Variants in PGCKA1 observed in about 807,000 individuals in gnomAD.
The protein encoded by PGCKA1 is PDCD10 and GCKIII kinases associated 1.
At chr4:37,494,151 A>G in the PGCKA1 span, among the ~76,000 whole-genome samples, 1 of 152,000 alleles carries the variant, frequency 6.6e-6, no homozygotes, top group Non-Finnish European at 1.5e-5. Flanking sequence ...TTTAACTTTT[A>G]TTTTAAGTAC....
At chr4:37,462,115 T>C in the PGCKA1 span, among the ~76,000 whole-genome samples, 1 of 150,668 alleles carries the variant, frequency 6.6e-6, no homozygotes, top group Non-Finnish European at 1.5e-5. Context: ...CAGCTTTTGC[T>C]AAGAGGTAAT....
chr4:37,593,419 A>G, the PGCKA1 span, among the ~76,000 whole-genome samples: 2 of 152,166 alleles, frequency 1.3e-5, no homozygotes, highest in Non-Finnish European at 2.9e-5. Context: ...TTTCCTTCTC[A>G]AGATCACTTT....
chr4:37,505,798 C>A, the PGCKA1 span, among the ~76,000 whole-genome samples: 1 of 152,198 alleles, frequency 6.6e-6, no homozygotes, highest in Non-Finnish European at 1.5e-5. Context: ...GGGAACACAG[C>A]CAAACCATAT....
At chr4:37,572,598 C>G in the PGCKA1 span, among the ~76,000 whole-genome samples, 197 of 152,234 alleles carry the variant, frequency 1.3e-3, 1 homozygote, top group African/African-American at 4.5e-3. Context: ...TGATTATCCT[C>G]TATCCAAAAT....
the PGCKA1 span, among the ~76,000 whole-genome samples, chr4:37,561,154 C>G: frequency 1.3e-5 from 2 of 152,160 alleles, no homozygotes; most frequent in South Asian, 2.1e-4. Context: ...GCACCTGACA[C>G]TCTTTGATGG....
At chr4:37,588,404 G>A in the PGCKA1 span, 1 of 158,756 alleles carries the variant, frequency 6.3e-6, no homozygotes, top group Non-Finnish European at 1.4e-5. Context: ...AACTCTTGAG[G>A]AGCAAATGCC....
At chr4:37,509,171 C>T in the PGCKA1 span, among the ~76,000 whole-genome samples, 1 of 150,138 alleles carries the variant, frequency 6.7e-6, no homozygotes, top group African/African-American at 2.5e-5. Flanking sequence ...TCATCATGGC[C>T]CATTCTCAAT....
At chr4:37,469,179 A>G in the PGCKA1 span, among the ~76,000 whole-genome samples, 1 of 152,220 alleles carries the variant, frequency 6.6e-6, no homozygotes, top group Non-Finnish European at 1.5e-5. Flanking sequence ...TCTACCATCT[A>G]GGTTTGTATA....
At chr4:37,532,775 C>T in the PGCKA1 span, among the ~76,000 whole-genome samples, 1 of 151,804 alleles carries the variant, frequency 6.6e-6, no homozygotes, top group African/African-American at 2.4e-5. Context: ...AGTATGCTGA[C>T]TGCTTTTAAT....
chr4:37,576,399 G>A, the PGCKA1 span, among the ~76,000 whole-genome samples: 2 of 151,930 alleles, frequency 1.3e-5, no homozygotes, highest in African/African-American at 2.4e-5. Flanking sequence ...TTGGCATATA[G>A]AAATGCTACA....
At chr4:37,526,763 T>C in the PGCKA1 span, among the ~76,000 whole-genome samples, 1 of 152,226 alleles carries the variant, frequency 6.6e-6, no homozygotes, top group Non-Finnish European at 1.5e-5. Context: ...CAATCATGTA[T>C]AGTACATACT....
At chr4:37,484,894 C>T in the PGCKA1 span, among the ~76,000 whole-genome samples, 1 of 152,124 alleles carries the variant, frequency 6.6e-6, no homozygotes. Context: ...TGTTCATCAG[C>T]CACCCAGTTT....
chr4:37,589,521 ATTTGT>A, the PGCKA1 span, among the ~76,000 whole-genome samples: 1 of 152,084 alleles, frequency 6.6e-6, no homozygotes, highest in African/African-American at 2.4e-5. Flanking sequence ...GTTAGTGGAC[ATTTGT>A]TTTATTTGTT....
the PGCKA1 span, among the ~76,000 whole-genome samples, chr4:37,465,492 G>C: frequency 6.6e-6 from 1 of 152,118 alleles, no homozygotes; most frequent in Non-Finnish European, 1.5e-5. Context: ...AGAGAGGGGA[G>C]GGCGAAGGGC....
chr4:37,514,293 C>G, the PGCKA1 span, among the ~76,000 whole-genome samples: 52 of 152,124 alleles, frequency 3.4e-4, no homozygotes, highest in Non-Finnish European at 6.3e-4. Context: ...TCTCAAAGGC[C>G]CACCTCTTAA....
chr4:37,574,960 T>C, the PGCKA1 span, among the ~76,000 whole-genome samples: 1 of 149,618 alleles, frequency 6.7e-6, no homozygotes, highest in East Asian at 1.9e-4. Flanking sequence ...TTTTCATGGC[T>C]GAATAGTTCT....
chr4:37,534,242 A>T, the PGCKA1 span, among the ~76,000 whole-genome samples: 2 of 152,216 alleles, frequency 1.3e-5, no homozygotes, highest in African/African-American at 4.8e-5. Context: ...GATGAACCAT[A>T]ATATTTTAGC....
At chr4:37,491,975 G>A in the PGCKA1 span, among the ~76,000 whole-genome samples, 1 of 151,354 alleles carries the variant, frequency 6.6e-6, no homozygotes, top group African/African-American at 2.4e-5. Flanking sequence ...TTTTGTAGAA[G>A]CATTATTTTC....
the PGCKA1 span, among the ~76,000 whole-genome samples, chr4:37,502,931 C>T: frequency 6.6e-6 from 1 of 152,018 alleles, no homozygotes; most frequent in African/African-American, 2.4e-5. Flanking sequence ...TCGGACTGGC[C>T]CTGTCTGATG....
Sources: gnomAD v4.1 joint callset for allele counts (sites outside exome capture counted in the v4.1 genomes callset) on GRCh38, gnomAD v4.1.1 for gene constraint, MANE v1.5 for transcripts, NCBI Gene and HGNC (gene_info 2026-07-23, HGNC 2026-07-21) for gene names.